The following CEP128 variants were observed in gnomAD, a reference collection of about 807,000 sequenced individuals.
CEP128 encodes centrosomal protein 128.
Under a neutral mutation model 156.7 loss-of-function variants are expected in CEP128, and 132 were observed. That is an observed-to-expected ratio of 0.84 (90% CI 0.73 to 0.97). The LOEUF is 0.97. Among genes scored for constraint, CEP128 ranks in the 50% least tolerant of loss-of-function variants. The pLI is 0.00. For missense variants in CEP128, 1,252 were observed against 1,281.9 expected (o/e 0.98, Z 0.36); for synonymous variants, 469 against 448.9 (o/e 1.04, Z -0.57).
intron 19 of CEP128, among the ~76,000 whole-genome samples, chr14:80,593,824 G>C (rs1278535234): frequency 6.6e-6 from 1 of 152,068 alleles, no homozygotes; most frequent in Non-Finnish European, 1.5e-5. Context: ...AATAAGAGAG[G>C]ACACAAACAA....
chr14:80,747,801 C>T (rs965144216), intron 18 of CEP128, among the ~76,000 whole-genome samples: 2 of 152,114 alleles, frequency 1.3e-5, no homozygotes, highest in Non-Finnish European at 2.9e-5. Flanking sequence ...AGCAAGACTC[C>T]ATCTCAAATG....
chr14:80,774,609 ATGTGTG>A (rs143520284), intron 16 of CEP128, among the ~76,000 whole-genome samples: 1 of 150,576 alleles, frequency 6.6e-6, no homozygotes, highest in East Asian at 1.9e-4. Flanking sequence ...ATATATACAT[ATGTGTG>A]TGTGTGTGTG....
chr14:80,617,068 A>G (rs1893243169), intron 19 of CEP128, among the ~76,000 whole-genome samples: 1 of 150,128 alleles, frequency 6.7e-6, no homozygotes, highest in African/African-American at 2.5e-5. Flanking sequence ...TGCAAGCAAT[A>G]AATTGTATTA....
intron 13 of CEP128, among the ~76,000 whole-genome samples, chr14:80,801,626 C>T (rs370097): frequency 6.6e-6 from 1 of 151,914 alleles, no homozygotes; most frequent in Admixed American, 6.6e-5. Context: ...AACTCAACAT[C>T]GGTCAGATGC....
At chr14:80,866,474 C>A (rs972178643) in intron 8 of CEP128, among the ~76,000 whole-genome samples, 1 of 152,136 alleles carries the variant, frequency 6.6e-6, no homozygotes, top group African/African-American at 2.4e-5. Flanking sequence ...ACTCATAAAC[C>A]CAGACAACAG....
intron 8 of CEP128, among the ~76,000 whole-genome samples, chr14:80,888,357 T>C (rs1481890932): frequency 6.6e-6 from 1 of 152,176 alleles, no homozygotes; most frequent in East Asian, 1.9e-4. Context: ...ATATCCCTGA[T>C]GAACGTTGAT....
chr14:80,870,692 C>T (rs546923388), intron 8 of CEP128, among the ~76,000 whole-genome samples: 45 of 151,868 alleles, frequency 3.0e-4, no homozygotes, highest in Non-Finnish European at 5.3e-4. Flanking sequence ...GAAAAAGCCA[C>T]GGATGCCCAG....
At chr14:80,726,419 AC>A (rs2139492120) in intron 19 of CEP128, among the ~76,000 whole-genome samples, 1 of 152,006 alleles carries the variant, frequency 6.6e-6, no homozygotes, top group African/African-American at 2.4e-5. Flanking sequence ...TCCATCAACA[AC>A]CCCTCCCTTT....
chr14:80,837,230 G>T (rs1386110527), intron 11 of CEP128, among the ~76,000 whole-genome samples: 1 of 152,196 alleles, frequency 6.6e-6, no homozygotes, highest in Admixed American at 6.5e-5. Context: ...TTCTGAAGGT[G>T]TGTTATATAA....
chr14:80,798,532 A>G (rs894453423), intron 13 of CEP128, among the ~76,000 whole-genome samples: 2 of 152,220 alleles, frequency 1.3e-5, no homozygotes, highest in Admixed American at 1.3e-4. Flanking sequence ...CTTGGGCACC[A>G]TCTACCTGTA....
intron 9 of CEP128, among the ~76,000 whole-genome samples, chr14:80,859,842 A>G (rs1217191497): frequency 1.3e-5 from 2 of 152,360 alleles, no homozygotes; most frequent in African/African-American, 4.8e-5. Flanking sequence ...ACAGCAGCAG[A>G]TTTTAGCCAA....
intron 11 of CEP128, among the ~76,000 whole-genome samples, chr14:80,837,604 C>CT (rs1164930412): frequency 6.6e-6 from 1 of 152,170 alleles, no homozygotes; most frequent in African/African-American, 2.4e-5. Flanking sequence ...GTAATCCCAG[C>CT]TACTGGGAGG....
At chr14:80,750,075 A>G (rs902938342) in intron 18 of CEP128, among the ~76,000 whole-genome samples, 2 of 152,236 alleles carry the variant, frequency 1.3e-5, no homozygotes, top group African/African-American at 4.8e-5. Context: ...CCTCCTGTCA[A>G]TAGAGACAAC....
chr14:80,603,603 C>T (rs867535957), intron 19 of CEP128, among the ~76,000 whole-genome samples: 9 of 152,142 alleles, frequency 5.9e-5, no homozygotes, highest in African/African-American at 2.2e-4. Flanking sequence ...CAATCTTGTC[C>T]ATCTACTCCT....
chr14:80,596,885 G>A (rs1227566728), intron 19 of CEP128, among the ~76,000 whole-genome samples: 3 of 121,686 alleles, frequency 2.5e-5, no homozygotes, highest in African/African-American at 9.6e-5. Flanking sequence ...TCACAAAAAT[G>A]TCATATATCA....
intron 13 of CEP128, among the ~76,000 whole-genome samples, chr14:80,820,859 A>T (rs1814628485): frequency 6.6e-6 from 1 of 152,196 alleles, no homozygotes; most frequent in Non-Finnish European, 1.5e-5. Context: ...ATCTTCTCTA[A>T]GGAAGAGCAA....
rs1375720920 is a variant in CEP128, at chr14:80,667,332, A to G, written c.2806+75743T>C. 2.0e-5 allele frequency among the ~76,000 whole-genome samples: 3 copies of G among 152,194 alleles called. No individual in the cohort carries two copies. The East Asian group carries it at 5.8e-4, about 29-fold the overall frequency. On this transcript the variant is annotated intron_variant, in intron 19 of 24. Coordinates refer to ENST00000555265, the MANE Select transcript of CEP128 (RefSeq NM_152446.5). The stretch of plus-strand genomic sequence containing the variant: ...TGTGGCCGAGGGGCTTAATAATTGG[A>G]TGTGAATCCAGCAAATAAATTCTCC...
chr14:80,723,107 T>C (rs1374014873), intron 19 of CEP128, among the ~76,000 whole-genome samples: 1 of 152,140 alleles, frequency 6.6e-6, no homozygotes, highest in Non-Finnish European at 1.5e-5. Flanking sequence ...ATTACAGCCA[T>C]GAGCCACCGC....
chr14:80,736,049 T>C (rs1391322204), intron 19 of CEP128, among the ~76,000 whole-genome samples: 1 of 152,120 alleles, frequency 6.6e-6, no homozygotes, highest in Non-Finnish European at 1.5e-5. Flanking sequence ...CCCTGTTAGG[T>C]TGTGGACATC....
Sources: allele counts gnomAD v4.1 joint callset (sites outside exome capture counted in the v4.1 genomes callset), GRCh38; gene constraint gnomAD v4.1.1; transcripts MANE v1.5; gene names NCBI Gene and HGNC (gene_info 2026-07-23, HGNC 2026-07-21).